RANBP17: variants seen among roughly 807,000 people sequenced by gnomAD.
RANBP17 encodes ran-binding protein 17.
In RANBP17, 158 loss-of-function variants were observed where a neutral mutation model predicts 141.2. The observed-to-expected ratio is 1.12, with a 90% CI of 0.98 to 1.28. The LOEUF is 1.28. Among genes scored for constraint, RANBP17 ranks in the 50% most tolerant of loss-of-function variants. The pLI is 0.00. For missense variants in RANBP17, 1,438 were observed against 1,290.7 expected (o/e 1.11, Z -1.75); for synonymous variants, 430 against 450.0 (o/e 0.96, Z 0.56).
chr5:171,138,312 A>T (rs539563519), intron 14 of RANBP17, among the ~76,000 whole-genome samples: 1 of 152,332 alleles, frequency 6.6e-6, no homozygotes, highest in African/African-American at 2.4e-5. Flanking sequence ...GCAGAGATAG[A>T]TGCTTGCTAG....
intron 14 of RANBP17, among the ~76,000 whole-genome samples, chr5:171,033,251 G>A (rs1781662649): frequency 1.3e-5 from 2 of 152,098 alleles, no homozygotes; most frequent in Admixed American, 6.6e-5. Flanking sequence ...TGTTTACAGT[G>A]TGGATAGGCC....
At chr5:171,080,955 A>T (rs772016777) in intron 14 of RANBP17, among the ~76,000 whole-genome samples, 14 of 151,982 alleles carry the variant, frequency 9.2e-5, no homozygotes, top group Non-Finnish European at 1.6e-4. Flanking sequence ...CAACTAAATA[A>T]TAACAGTTTT....
intron 24 of RANBP17, among the ~76,000 whole-genome samples, chr5:171,258,559 G>C (rs573587392): frequency 1.3e-5 from 2 of 152,136 alleles, no homozygotes; most frequent in African/African-American, 2.4e-5. Context: ...ACAGAATAGA[G>C]AGCCCAGAAA....
chr5:171,289,799 G>A (rs1319055391), intron 25 of RANBP17, among the ~76,000 whole-genome samples: 2 of 152,166 alleles, frequency 1.3e-5, no homozygotes, highest in African/African-American at 2.4e-5. Context: ...GGAGGCCAAG[G>A]CAGGCAGATC....
intron 22 of RANBP17, among the ~76,000 whole-genome samples, chr5:171,225,877 G>A (rs1390862296): frequency 6.6e-6 from 1 of 152,170 alleles, no homozygotes; most frequent in Non-Finnish European, 1.5e-5. Context: ...ATACTTTGAT[G>A]TAAGTTTTTA....
intron 13 of RANBP17, among the ~76,000 whole-genome samples, chr5:170,955,757 A>G (rs1442099002): frequency 6.9e-6 from 1 of 145,126 alleles, no homozygotes; most frequent in Non-Finnish European, 1.5e-5. Flanking sequence ...ATTAAAAATA[A>G]TTTAGTTATA....
intron 14 of RANBP17, among the ~76,000 whole-genome samples, chr5:171,003,182 G>C (rs754603318): frequency 1.3e-5 from 2 of 152,144 alleles, no homozygotes; most frequent in Non-Finnish European, 2.9e-5. Flanking sequence ...CCTGGTCCTT[G>C]TGTAAGAATT....
intron 14 of RANBP17, among the ~76,000 whole-genome samples, chr5:171,031,070 A>G (rs1781520945): frequency 1.3e-5 from 2 of 152,044 alleles, no homozygotes; most frequent in South Asian, 4.1e-4. Context: ...GTTTCAATAT[A>G]TGAATGAACT....
intron 12 of RANBP17, among the ~76,000 whole-genome samples, chr5:170,929,737 G>A (rs986177023): frequency 2.0e-5 from 3 of 152,148 alleles, no homozygotes; most frequent in Admixed American, 1.3e-4. Context: ...GAGTCCGGTA[G>A]TGTTTCCTCT....
intron 14 of RANBP17, among the ~76,000 whole-genome samples, chr5:171,157,186 T>C (rs768532831): frequency 9.2e-5 from 14 of 152,220 alleles, no homozygotes; most frequent in Non-Finnish European, 1.6e-4. Flanking sequence ...ATTATGATAA[T>C]TGTGAATGTT....
chr5:170,882,159 C>G (rs1359166284), intron 3 of RANBP17, among the ~76,000 whole-genome samples: 1 of 152,142 alleles, frequency 6.6e-6, no homozygotes, highest in East Asian at 1.9e-4. Flanking sequence ...TCTCAGCTCA[C>G]TGCAACCTAC....
intron 14 of RANBP17, among the ~76,000 whole-genome samples, chr5:171,078,742 G>A (rs907991865): frequency 3.3e-5 from 5 of 152,122 alleles, no homozygotes; most frequent in Admixed American, 2.6e-4. Flanking sequence ...AGCATTGAAC[G>A]TTTTAAGCCC....
At position 171,052,825 on chromosome 5, in the gene RANBP17, T is replaced by C. The variant is rs116828629; in HGVS notation, c.1710+84448T>C. Among the ~76,000 whole-genome samples the C allele has an allele frequency of 5.4e-3, 818 of 152,314 alleles. 12 individuals are homozygous for C. The highest frequency in any genetic ancestry group is 0.019 in the African/African-American group (791 of 41,554). On this transcript the variant is annotated intron_variant, in intron 14 of 27. Coordinates refer to ENST00000523189, the MANE Select transcript of RANBP17 (RefSeq NM_022897.5). Reference sequence around the variant, plus strand: ...TTCATAAGTATTGCCATCTTAATAATATTAAGTCTTCTAACCCATGAACAT... The same window carrying C: ...TTCATAAGTATTGCCATCTTAATAACATTAAGTCTTCTAACCCATGAACAT...
intron 16 of RANBP17, among the ~76,000 whole-genome samples, chr5:171,178,772 T>C (rs1760689829): frequency 6.6e-6 from 1 of 152,246 alleles, no homozygotes; most frequent in Admixed American, 6.5e-5. Flanking sequence ...TAATGACCAG[T>C]AATGATAAGC....
chr5:170,919,426 T>G lies in RANBP17; in HGVS notation c.1102-15T>G. 1.3e-6 allele frequency: 2 copies of G among 1,517,532 alleles called. No homozygotes were observed. Among genetic ancestry groups the G allele is most frequent in the Non-Finnish European group, 1.8e-6 (2 of 1,128,232 alleles). The allele number at this position is 1,517,532 out of a possible 1,614,324, so 94.0% of individuals were successfully genotyped here. ...ATGTAATATTTTAAATAACTTCTGC[T>G]TTATTTCTTTGTAGCACTGGGAATT... On this transcript the variant is annotated splice_polypyrimidine_tract_variant and intron_variant, in intron 10 of 27. Transcript: ENST00000523189.
chr5:171,055,048 A>G (rs1330649548), intron 14 of RANBP17, among the ~76,000 whole-genome samples: 2 of 152,120 alleles, frequency 1.3e-5, no homozygotes. Context: ...TTTATCCTGC[A>G]TATCTACACA....
chr5:171,078,782 G>C (rs1785091803), intron 14 of RANBP17, among the ~76,000 whole-genome samples: 1 of 152,190 alleles, frequency 6.6e-6, no homozygotes, highest in Non-Finnish European at 1.5e-5. Context: ...AAGAAAAAAA[G>C]ATTAATTTTC....
At chr5:171,280,663 A>G (rs1767799836) in intron 25 of RANBP17, among the ~76,000 whole-genome samples, 1 of 152,194 alleles carries the variant, frequency 6.6e-6, no homozygotes, top group African/African-American at 2.4e-5. Context: ...TTTGTCTGTA[A>G]TCTTATCACT....
In RANBP17 at chr5:170,922,375, A is replaced by C. The variant is rs574052943; in HGVS notation, c.1275-1982A>C. ...ACTGCTTTCTTCAGAGCTGTCAGACAGGGACGTTTAAGTCTGCAGAAGCTG... is the reference window on the plus strand; with the variant it reads ...ACTGCTTTCTTCAGAGCTGTCAGACCGGGACGTTTAAGTCTGCAGAAGCTG... On this transcript the variant is annotated intron_variant, in intron 11 of 27. Transcript: ENST00000523189. 3.9e-5 allele frequency among the ~76,000 whole-genome samples: 6 copies of C among 152,342 alleles called. No homozygotes were observed. The South Asian group carries it at 1.0e-3, about 26-fold the overall frequency.
Sources: allele counts gnomAD v4.1 joint callset (sites outside exome capture counted in the v4.1 genomes callset), GRCh38; gene constraint gnomAD v4.1.1; transcripts MANE v1.5; gene names NCBI Gene and HGNC (gene_info 2026-07-23, HGNC 2026-07-21).